GALNT13: variants seen among roughly 807,000 people sequenced by gnomAD.
GALNT13 encodes the protein UDP-GalNAc:polypeptide N-acetylgalactosaminyltransferase 13.
GALNT13 carries 28 observed loss-of-function variants against 64.2 expected under a neutral mutation model. That is an observed-to-expected ratio of 0.44 (90% CI 0.32 to 0.60). The LOEUF is 0.60. Among genes scored for constraint, GALNT13 ranks in the 20% least tolerant of loss-of-function variants. The pLI is 0.05. For synonymous variants in GALNT13, 214 were observed against 224.6 expected (o/e 0.95, Z 0.42); for missense variants, 577 against 669.8 (o/e 0.86, Z 1.53).
the GALNT13 span, among the ~76,000 whole-genome samples, chr2:153,181,832 A>G: frequency 1.4e-5 from 2 of 146,016 alleles, no homozygotes; most frequent in Non-Finnish European, 3.0e-5. Context: ...ATAATATAAC[A>G]TAATTTATAT....
chr2:153,417,877 G>C, the GALNT13 span, among the ~76,000 whole-genome samples: 1 of 152,122 alleles, frequency 6.6e-6, no homozygotes, highest in East Asian at 1.9e-4. Context: ...TCAGATATGA[G>C]TCATATAAAT....
the GALNT13 span, among the ~76,000 whole-genome samples, chr2:153,603,718 T>G: frequency 6.6e-6 from 1 of 151,964 alleles, no homozygotes; most frequent in Non-Finnish European, 1.5e-5. Context: ...AATTCTCCTT[T>G]AGGGTATCAA....
the GALNT13 span, among the ~76,000 whole-genome samples, chr2:153,837,498 A>G: frequency 6.6e-6 from 1 of 152,076 alleles, no homozygotes; most frequent in Admixed American, 6.6e-5. Flanking sequence ...AACTGAGATT[A>G]TGCAGTATTT....
chr2:153,080,063 G>A, the GALNT13 span, among the ~76,000 whole-genome samples: 3 of 152,052 alleles, frequency 2.0e-5, no homozygotes, highest in South Asian at 6.2e-4. Context: ...TCTTAGTTGT[G>A]TTTATTCTGA....
the GALNT13 span, among the ~76,000 whole-genome samples, chr2:153,812,247 TTTCTC>T: frequency 6.6e-6 from 1 of 152,242 alleles, no homozygotes; most frequent in African/African-American, 2.4e-5. Context: ...TTATCCATGT[TTTCTC>T]TTGTATGTGT....
chr2:153,811,986 T>G, the GALNT13 span, among the ~76,000 whole-genome samples: 1 of 152,216 alleles, frequency 6.6e-6, no homozygotes, highest in African/African-American at 2.4e-5. Context: ...TAAGAATTAT[T>G]TGCATATGTT....
rs573122828 is a variant in GALNT13 at position 153,911,314 on chromosome 2, G to A, written c.-105+10307G>A. Among the ~76,000 whole-genome samples, 26 of 152,202 alleles carry A rather than the reference G, an allele frequency of 1.7e-4. No homozygotes were observed. In the South Asian group the frequency reaches 5.0e-3, roughly 29 times the overall value. On this transcript the variant is annotated intron_variant, in intron 2 of 12. Transcript: ENST00000392825. ...AGCCTGTGAGTGTCATTGTATGTGT[G>A]ATAGGTCTCTTGAAGACAGCATACC...
chr2:153,412,580 A>G, the GALNT13 span, among the ~76,000 whole-genome samples: 3 of 152,188 alleles, frequency 2.0e-5, no homozygotes, highest in African/African-American at 4.8e-5. Flanking sequence ...CTCAGGAACA[A>G]CTGAATCAGG....
chr2:153,300,117 T>G, the GALNT13 span, among the ~76,000 whole-genome samples: 1 of 152,082 alleles, frequency 6.6e-6, no homozygotes, highest in Non-Finnish European at 1.5e-5. Context: ...AGATTTTATA[T>G]CAAGAAGGAA....
At chr2:153,203,718 TCACTTAACCTTGTTAAGTGA>T in the GALNT13 span, among the ~76,000 whole-genome samples, 1 of 152,152 alleles carries the variant, frequency 6.6e-6, no homozygotes, top group Admixed American at 6.5e-5. Context: ...CCACAAGAAA[TCACTTAACCTTGTTAAGTGA>T]CTTTAGACAG....
the GALNT13 span, among the ~76,000 whole-genome samples, chr2:153,773,032 T>C: frequency 9.2e-5 from 14 of 152,332 alleles, no homozygotes; most frequent in South Asian, 2.3e-3. Context: ...GGCCACAGAA[T>C]GTGACTCTGC....
intron 9 of GALNT13, among the ~76,000 whole-genome samples, chr2:154,342,746 T>C (rs1329315540): frequency 6.6e-6 from 1 of 151,972 alleles, no homozygotes; most frequent in East Asian, 1.9e-4. Flanking sequence ...ACAGACAAAT[T>C]TGCCAACCAC....
At chr2:153,746,041 C>T in the GALNT13 span, among the ~76,000 whole-genome samples, 1 of 152,102 alleles carries the variant, frequency 6.6e-6, no homozygotes, top group Admixed American at 6.6e-5. Flanking sequence ...GATGTATATA[C>T]CACCCTTACA....
At chr2:153,817,027 C>T in the GALNT13 span, among the ~76,000 whole-genome samples, 2 of 152,150 alleles carry the variant, frequency 1.3e-5, no homozygotes, top group Non-Finnish European at 2.9e-5. Context: ...CCATTTTAAG[C>T]TAGTTATTTT....
the GALNT13 span, among the ~76,000 whole-genome samples, chr2:153,846,930 A>AT: frequency 4.6e-5 from 7 of 152,208 alleles, no homozygotes; most frequent in East Asian, 1.9e-4. Context: ...ATTAAAACAT[A>AT]TTTTTTCTCC....
At chr2:154,328,034 GT>G (rs566505833) in intron 9 of GALNT13, among the ~76,000 whole-genome samples, 1,790 of 151,964 alleles carry the variant, frequency 0.012, 11 homozygotes, top group South Asian at 0.019. Context: ...TAGCACTTCT[GT>G]TTTTTTATTA....
At chr2:153,442,675 A>G in the GALNT13 span, among the ~76,000 whole-genome samples, 1 of 152,054 alleles carries the variant, frequency 6.6e-6, no homozygotes. Flanking sequence ...GCTCTGTCCC[A>G]GGGAGATGGG....
intron 6 of GALNT13, among the ~76,000 whole-genome samples, chr2:154,243,917 G>A (rs1456141450): frequency 1.3e-5 from 2 of 152,174 alleles, no homozygotes; most frequent in African/African-American, 4.8e-5. Context: ...GATGGAAGCT[G>A]TCAGTAAAAT....
At chr2:153,575,780 G>A in the GALNT13 span, among the ~76,000 whole-genome samples, 1 of 152,088 alleles carries the variant, frequency 6.6e-6, no homozygotes, top group African/African-American at 2.4e-5. Flanking sequence ...GGCAGGTCCA[G>A]AAATGCCATC....
Sources: gnomAD v4.1 joint callset for allele counts (sites outside exome capture counted in the v4.1 genomes callset) on GRCh38, gnomAD v4.1.1 for gene constraint, MANE v1.5 for transcripts, NCBI Gene and HGNC (gene_info 2026-07-23, HGNC 2026-07-21) for gene names.